Variants in GNA14 observed in about 807,000 individuals in gnomAD.
The protein encoded by GNA14 is guanine nucleotide-binding protein subunit alpha-14.
In GNA14, 50 loss-of-function variants were observed where a neutral mutation model predicts 42.0. The observed-to-expected ratio is 1.19, with a 90% CI of 0.95 to 1.51. GNA14 has a LOEUF of 1.51. Among genes scored for constraint, GNA14 ranks in the 40% most tolerant of loss-of-function variants. GNA14 has a pLI of 0.00. For missense variants in GNA14, 473 were observed against 446.2 expected (o/e 1.06, Z -0.54); for synonymous variants, 173 against 163.1 (o/e 1.06, Z -0.46).
intron 1 of GNA14, among the ~76,000 whole-genome samples, chr9:77,561,181 T>TAG (rs1369873340): frequency 5.9e-5 from 9 of 152,216 alleles, no homozygotes; most frequent in Non-Finnish European, 1.0e-4. Context: ...TTGTCCCCTC[T>TAG]AGACCTCTAC....
At chr9:77,613,032 C>T (rs1823758070) in intron 1 of GNA14, among the ~76,000 whole-genome samples, 1 of 152,056 alleles carries the variant, frequency 6.6e-6, no homozygotes, top group African/African-American at 2.4e-5. Context: ...TATTATTCAG[C>T]CTTTAAAAAG....
At chr9:77,449,461 T>C (rs762378291) in intron 2 of GNA14, among the ~76,000 whole-genome samples, 4 of 152,362 alleles carry the variant, frequency 2.6e-5, no homozygotes, top group African/African-American at 4.8e-5. Context: ...AGCCATGTTA[T>C]CAAGTGCTAG....
At chr9:77,444,545 C>T (rs1835784213) in intron 2 of GNA14, among the ~76,000 whole-genome samples, 1 of 152,174 alleles carries the variant, frequency 6.6e-6, no homozygotes, top group Non-Finnish European at 1.5e-5. Flanking sequence ...TTCCAGCCTG[C>T]CCTTGCTCTT....
chr9:77,469,922 G>T (rs547478805), intron 2 of GNA14, among the ~76,000 whole-genome samples: 3 of 152,280 alleles, frequency 2.0e-5, no homozygotes, highest in South Asian at 2.1e-4. Flanking sequence ...TGATGGACAC[G>T]TGCATACATA....
chr9:77,616,434 ACTT>A (rs1318079347), intron 1 of GNA14, among the ~76,000 whole-genome samples: 1 of 152,238 alleles, frequency 6.6e-6, no homozygotes, highest in Non-Finnish European at 1.5e-5. Flanking sequence ...GCAAGGCACT[ACTT>A]ATTATGTGCT....
intron 2 of GNA14, among the ~76,000 whole-genome samples, chr9:77,487,737 G>T (rs1043813329): frequency 3.3e-5 from 5 of 152,170 alleles, no homozygotes; most frequent in African/African-American, 1.2e-4. Context: ...GTAAATAGCA[G>T]TAAGAATATT....
chr9:77,646,125 GC>G (rs1238381542), intron 1 of GNA14, among the ~76,000 whole-genome samples: 1 of 152,148 alleles, frequency 6.6e-6, no homozygotes, highest in Non-Finnish European at 1.5e-5. Flanking sequence ...AATGAACAGA[GC>G]CCCTTCCCTT....
chr9:77,485,523 T>C (rs1311388325), intron 2 of GNA14, among the ~76,000 whole-genome samples: 1 of 152,194 alleles, frequency 6.6e-6, no homozygotes, highest in Non-Finnish European at 1.5e-5. Flanking sequence ...CTTCATGGTA[T>C]CTAGAATGGT....
chr9:77,559,475 CTT>C (rs1822845332), intron 1 of GNA14, among the ~76,000 whole-genome samples: 1 of 152,144 alleles, frequency 6.6e-6, no homozygotes, highest in Non-Finnish European at 1.5e-5. Context: ...CACCCTGACA[CTT>C]TGATGGAGAA....
At chr9:77,579,454 C>T (rs533266510) in intron 1 of GNA14, among the ~76,000 whole-genome samples, 6 of 152,100 alleles carry the variant, frequency 3.9e-5, no homozygotes, top group Non-Finnish European at 8.8e-5. Context: ...GTTTCATGAT[C>T]AGTCAATGAC....
At chr9:77,425,103 TAAATC>T (rs1407121149) in intron 6 of GNA14, among the ~76,000 whole-genome samples, 1 of 152,168 alleles carries the variant, frequency 6.6e-6, no homozygotes, top group African/African-American at 2.4e-5. Flanking sequence ...AATGCACAGA[TAAATC>T]AAGCAGAGTC....
At chr9:77,467,000 GGTGTGTGTGTGTGTGTGTGT>G (rs59321037) in intron 2 of GNA14, among the ~76,000 whole-genome samples, 2 of 143,618 alleles carry the variant, frequency 1.4e-5, no homozygotes, top group African/African-American at 2.6e-5. Context: ...TTTACCACTC[GGTGTGTGTGTGTGTGTGTGT>G]GTGTGTGTGT....
chr9:77,506,811 T>C (rs1837078186), intron 2 of GNA14, among the ~76,000 whole-genome samples: 1 of 152,226 alleles, frequency 6.6e-6, no homozygotes, highest in Admixed American at 6.5e-5. Context: ...ATGGGGCTAG[T>C]CACTACCATA....
At chr9:77,586,383 C>T (rs1379298963) in intron 1 of GNA14, among the ~76,000 whole-genome samples, 1 of 152,000 alleles carries the variant, frequency 6.6e-6, no homozygotes, top group Non-Finnish European at 1.5e-5. Context: ...AGTCAACAAG[C>T]ATATGAAAAA....
chr9:77,478,495 C>T (rs1836477137), intron 2 of GNA14, among the ~76,000 whole-genome samples: 2 of 152,204 alleles, frequency 1.3e-5, no homozygotes, highest in South Asian at 4.1e-4. Flanking sequence ...CATACATGTG[C>T]ATGTGTCTTT....
chr9:77,485,991 G>A (rs1472637780), intron 2 of GNA14, among the ~76,000 whole-genome samples: 4 of 152,164 alleles, frequency 2.6e-5, no homozygotes, highest in African/African-American at 9.7e-5. Flanking sequence ...GTCTCCAGCT[G>A]CATTAACCCC....
rs548315260 is a variant in GNA14, at chr9:77,431,591, G to A, written c.465-142C>T. On this transcript the variant is annotated intron_variant, in intron 3 of 6. Transcript: ENST00000341700. Reference sequence around the variant, plus strand: ...ATCAATGACTTTCCTGAGAGCCAGTGCCAGGCCAGGCTTCTCCATCCTTCC... The same window carrying A: ...ATCAATGACTTTCCTGAGAGCCAGTACCAGGCCAGGCTTCTCCATCCTTCC... The A allele has an allele frequency of 6.1e-6, 4 of 658,834 alleles. No homozygotes were observed. The Admixed American group carries it at 1.1e-4, about 18-fold the overall frequency. The allele number at this position is 658,834 out of a possible 1,614,324, so 40.8% of individuals were successfully genotyped here. A position where few individuals can be genotyped will look rare whatever the true frequency, so the allele number is the denominator to read the frequency against.
chr9:77,519,267 T>A (rs1317261022), intron 2 of GNA14, among the ~76,000 whole-genome samples: 1 of 151,742 alleles, frequency 6.6e-6, no homozygotes, highest in Non-Finnish European at 1.5e-5. Context: ...AAAAATTAGC[T>A]GGGCGTGGTG....
intron 1 of GNA14, among the ~76,000 whole-genome samples, chr9:77,550,689 T>C (rs1352476378): frequency 1.3e-5 from 2 of 152,254 alleles, no homozygotes; most frequent in African/African-American, 2.4e-5. Context: ...AATCTCACTT[T>C]ATCTATTCTA....
Sources: allele counts gnomAD v4.1 joint callset (sites outside exome capture counted in the v4.1 genomes callset), GRCh38; gene constraint gnomAD v4.1.1; transcripts MANE v1.5; gene names NCBI Gene and HGNC (gene_info 2026-07-23, HGNC 2026-07-21).